KIAA0586: variants seen among roughly 807,000 people sequenced by gnomAD.
KIAA0586 encodes the protein KIAA0586.
A neutral mutation model predicts 169.8 loss-of-function variants in KIAA0586; 144 were observed. The ratio of observed to expected loss-of-function variants is 0.85; its 90% CI spans 0.74 to 0.97. KIAA0586 has a LOEUF of 0.97. Among genes scored for constraint, KIAA0586 ranks in the 50% least tolerant of loss-of-function variants. The pLI is 0.00. For missense variants in KIAA0586, 1,854 were observed against 1,823.0 expected, an observed-to-expected ratio of 1.02 and a Z score of -0.31; for synonymous variants, 625 against 612.4, an observed-to-expected ratio of 1.02 and a Z score of -0.30.
chr14:58,517,356 CA>C (rs1463943111), intron 29 of KIAA0586, among the ~76,000 whole-genome samples: 1 of 152,032 alleles, frequency 6.6e-6, no homozygotes, highest in Non-Finnish European at 1.5e-5. Flanking sequence ...ATTTGGATGG[CA>C]AATAAGCACA....
At chr14:58,531,574 T>C (rs1355381331) in intron 29 of KIAA0586, among the ~76,000 whole-genome samples, 2 of 152,128 alleles carry the variant, frequency 1.3e-5, no homozygotes, top group South Asian at 2.1e-4. Context: ...ATAGGAATGC[T>C]TTTACACTGT....
chr14:58,484,915 T>TATATATATATATAA (rs1275726058), intron 21 of KIAA0586, among the ~76,000 whole-genome samples: 2 of 30,724 alleles, frequency 6.5e-5, no homozygotes, highest in Non-Finnish European at 1.3e-4. Context: ...TATATATATA[T>TATATATATATATAA]ATATATATAT....
At position 58,490,255 on chromosome 14, in the gene KIAA0586, A is replaced by C. The variant is rs1405378640; in HGVS notation, c.3858+15A>C. The C allele has an allele frequency of 2.9e-6, 4 of 1,385,102 alleles. No individual in the cohort carries two copies. 85.8% of individuals were successfully genotyped at this position (1,385,102 alleles called of 1,614,324 possible). ...CCGTTGAAATGGTAAGTAACGATTG[A>C]CTCCAACACTGAATTCTGACAGGAA... On this transcript the variant is annotated intron_variant, in intron 25 of 30. Coordinates refer to ENST00000652326, the MANE Select transcript of KIAA0586 (RefSeq NM_001329943.3).
In KIAA0586 at chr14:58,516,167, C is replaced by T. The variant is rs201753763; in HGVS notation, c.4429+3540C>T. On this transcript the variant is annotated intron_variant, in intron 29 of 30. Transcript: ENST00000652326. ...TAGTCACAGATACAAGTGGAGTTCA[C>T]ACCCACTTGTAGGCATCTTCTGCAC... Among the ~76,000 whole-genome samples the T allele has an allele frequency of 3.9e-5, 6 of 152,270 alleles. No homozygotes were observed. In the East Asian group the frequency reaches 1.2e-3, roughly 29 times the overall value.
intron 29 of KIAA0586, among the ~76,000 whole-genome samples, chr14:58,512,903 C>T (rs1475786541): frequency 6.6e-6 from 1 of 151,866 alleles, no homozygotes; most frequent in Non-Finnish European, 1.5e-5. Context: ...AATTGAATAC[C>T]AAGGTCTTTT....
chr14:58,446,559 A>G (rs935882091), intron 6 of KIAA0586, among the ~76,000 whole-genome samples: 4 of 152,146 alleles, frequency 2.6e-5, no homozygotes, highest in African/African-American at 9.7e-5. Flanking sequence ...ATATATGTAT[A>G]TATCTATAAC....
Position 58,482,691 on chromosome 14 carries a change from A to C in KIAA0586, c.3123A>C (p.Ser1041=). 6.4e-7 allele frequency: 1 copy of C among 1,568,660 alleles called. No individual in the cohort carries two copies. The highest frequency in any genetic ancestry group is 8.6e-7 in the Non-Finnish European group (1 of 1,160,860). ...PVATGVSGDA[S]TNETYLPARV... is the part of the protein sequence containing the mutation. ...CTACAGGTGTTTCTGGGGATGCTTC[A>C]ACAAATGAAACATATTTGCCGGTAT... Residue 1041 remains serine, a synonymous_variant, in exon 21 of 31, where the codon TCA becomes TCC. Coordinates refer to ENST00000652326, the MANE Select transcript of KIAA0586 (RefSeq NM_001329943.3).
At chr14:58,539,942 T>A in intron 29 of KIAA0586, 129 bp from the exon 30 acceptor site, 1 of 581,142 alleles carries the variant, frequency 1.7e-6, no homozygotes, top group Non-Finnish European at 3.0e-6. Flanking sequence ...ATCAAACTTC[T>A]GTTTACCTGG....
intron 19 of KIAA0586, 59 bp downstream of exon 19, chr14:58,474,856 T>G (rs1461537930): frequency 8.3e-7 from 1 of 1,207,706 alleles, no homozygotes; most frequent in Non-Finnish European, 1.2e-6. Flanking sequence ...AAATGGAAAG[T>G]ATTAAAATGT....
intron 28 of KIAA0586, among the ~76,000 whole-genome samples, chr14:58,512,288 T>C (rs1240882743): frequency 6.6e-6 from 1 of 152,132 alleles, no homozygotes; most frequent in Non-Finnish European, 1.5e-5. Flanking sequence ...ATTTGAAATC[T>C]GTATATATGA....
chr14:58,431,548 T>C lies in KIAA0586; in HGVS notation c.340+831T>C, dbSNP rs1439898531. ...TCCTAAAGTGTTGGGATTACAGGCG[T>C]GAGCCACCGTGTCTGGCTCCATATG... On this transcript the variant is annotated intron_variant, in intron 3 of 30. Coordinates refer to ENST00000652326, the MANE Select transcript of KIAA0586 (RefSeq NM_001329943.3). 2.0e-5 allele frequency among the ~76,000 whole-genome samples: 3 copies of C among 152,346 alleles called. No homozygotes were observed. In the East Asian group the frequency reaches 5.8e-4, roughly 29 times the overall value.
chr14:58,538,921 G>A (rs955097718), intron 29 of KIAA0586, among the ~76,000 whole-genome samples: 6 of 151,958 alleles, frequency 3.9e-5, no homozygotes, highest in South Asian at 2.1e-4. Flanking sequence ...CTGGGTCTAC[G>A]GGCGCGAGCC....
At chr14:58,430,966 G>A (rs946332349) in intron 3 of KIAA0586, among the ~76,000 whole-genome samples, 2 of 152,062 alleles carry the variant, frequency 1.3e-5, no homozygotes, top group East Asian at 1.9e-4. Flanking sequence ...CCCTAGGTAC[G>A]TTATATAAGT....
intron 29 of KIAA0586, among the ~76,000 whole-genome samples, chr14:58,513,853 G>A (rs910753163): frequency 1.3e-5 from 2 of 151,986 alleles, no homozygotes; most frequent in Admixed American, 6.6e-5. Context: ...TGAGGATGTT[G>A]TATGTAATGA....
chr14:58,447,961 G>T (rs936193688), intron 6 of KIAA0586, among the ~76,000 whole-genome samples: 1 of 152,156 alleles, frequency 6.6e-6, no homozygotes, highest in Admixed American at 6.5e-5. Context: ...ATAAAAGATG[G>T]GATGTTTTGG....
intron 18 of KIAA0586, 73 bp downstream of exon 18, chr14:58,472,352 C>G (rs2041288984): frequency 1.3e-6 from 1 of 754,290 alleles, no homozygotes; most frequent in Non-Finnish European, 2.1e-6. Context: ...TATCTTTGGA[C>G]TATCAATATT....
rs569839591 is a variant in KIAA0586 at position 58,469,569 on chromosome 14, A to G, written c.2443-1044A>G. Among the ~76,000 whole-genome samples, 5 of 152,362 alleles carry G rather than the reference A, an allele frequency of 3.3e-5. No individual in the cohort carries two copies. In the South Asian group the frequency reaches 8.3e-4, roughly 25 times the overall value. On this transcript the variant is annotated intron_variant, in intron 16 of 30. Coordinates refer to ENST00000652326, the MANE Select transcript of KIAA0586 (RefSeq NM_001329943.3). ...TGAGCATCACTAGCACAGTCAGTCCATGGAGGAAATTAGAGGATCTAGATC... is the reference window on the plus strand; with the variant it reads ...TGAGCATCACTAGCACAGTCAGTCCGTGGAGGAAATTAGAGGATCTAGATC...
intron 30 of KIAA0586, among the ~76,000 whole-genome samples, chr14:58,542,956 C>T (rs1041196027): frequency 5.3e-5 from 8 of 150,702 alleles, no homozygotes; most frequent in South Asian, 2.1e-4. Flanking sequence ...GGTGAAACCC[C>T]GTCTCTACTA....
At chr14:58,530,163 G>C (rs142985274) in intron 29 of KIAA0586, among the ~76,000 whole-genome samples, 1 of 152,098 alleles carries the variant, frequency 6.6e-6, no homozygotes, top group Non-Finnish European at 1.5e-5. Flanking sequence ...TTTTCAAGGA[G>C]AACTACAAAC....
Sources: allele counts gnomAD v4.1 joint callset (sites outside exome capture counted in the v4.1 genomes callset), GRCh38; gene constraint gnomAD v4.1.1; transcripts MANE v1.5; gene names NCBI Gene and HGNC (gene_info 2026-07-23, HGNC 2026-07-21).